PRKG1: variants seen among roughly 807,000 people sequenced by gnomAD.
PRKG1 encodes cGMP-dependent protein kinase 1.
In PRKG1, 35 loss-of-function variants were observed where a neutral mutation model predicts 88.1. That is an observed-to-expected ratio of 0.40 (90% CI 0.30 to 0.53). The LOEUF (loss-of-function observed/expected upper bound fraction) is 0.53. Ranked by LOEUF, PRKG1 falls within the 20% of genes least tolerant of loss-of-function variation. The pLI is 0.59. For missense variants in PRKG1, 540 were observed against 839.8 expected (o/e 0.64, Z 4.41); for synonymous variants, 303 against 292.5 (o/e 1.04, Z -0.37).
intron 3 of PRKG1, among the ~76,000 whole-genome samples, chr10:51,730,858 C>G (rs963814699): frequency 6.6e-6 from 1 of 152,150 alleles, no homozygotes; most frequent in Admixed American, 6.5e-5. Context: ...TGTATTTCAA[C>G]TTACAAAAAC....
intron 4 of PRKG1, among the ~76,000 whole-genome samples, chr10:51,873,175 A>T (rs963492451): frequency 6.6e-6 from 1 of 152,122 alleles, no homozygotes; most frequent in Non-Finnish European, 1.5e-5. Flanking sequence ...TATCATTCAA[A>T]CTTAACTTGA....
At chr10:51,717,269 T>C (rs902714965) in intron 3 of PRKG1, among the ~76,000 whole-genome samples, 4 of 152,210 alleles carry the variant, frequency 2.6e-5, no homozygotes, top group African/African-American at 9.6e-5. Context: ...GTTTTGTTCC[T>C]GTGTAGACAT....
intron 5 of PRKG1, among the ~76,000 whole-genome samples, chr10:52,035,407 C>T (rs1229558832): frequency 6.6e-6 from 1 of 151,972 alleles, no homozygotes; most frequent in East Asian, 1.9e-4. Context: ...TCGATTTCCA[C>T]GATGGAAAGG....
intron 10 of PRKG1, among the ~76,000 whole-genome samples, chr10:52,260,697 T>A (rs1323300839): frequency 6.9e-6 from 1 of 145,250 alleles, no homozygotes; most frequent in Non-Finnish European, 1.5e-5. Context: ...GGGTAGAGGA[T>A]GAAAAATATT....
chr10:51,176,354 T>A (rs1837191282), intron 2 of PRKG1, among the ~76,000 whole-genome samples: 1 of 152,082 alleles, frequency 6.6e-6, no homozygotes, highest in Non-Finnish European at 1.5e-5. Context: ...GAGGGTCAAA[T>A]TTCAACTCTA....
intron 3 of PRKG1, among the ~76,000 whole-genome samples, chr10:51,519,591 G>A (rs1400175538): frequency 1.3e-5 from 2 of 152,136 alleles, no homozygotes; most frequent in Admixed American, 6.5e-5. Flanking sequence ...TCTCCAAGTC[G>A]AGCAATATTT....
At chr10:51,328,318 T>C (rs1258434521) in intron 2 of PRKG1, among the ~76,000 whole-genome samples, 4 of 152,220 alleles carry the variant, frequency 2.6e-5, no homozygotes, top group Admixed American at 6.5e-5. Flanking sequence ...TCCTTCTTTT[T>C]AGAAGGTTGA....
chr10:52,272,532 T>A, intron 12 of PRKG1, 51 bp downstream of exon 12: 2 of 1,295,332 alleles, frequency 1.5e-6, no homozygotes, highest in Non-Finnish European at 2.2e-6. Context: ...GTTGCCCATG[T>A]TGGTCTATAA....
chr10:51,201,931 T>C (rs1394593934), intron 2 of PRKG1, among the ~76,000 whole-genome samples: 1 of 152,272 alleles, frequency 6.6e-6, no homozygotes, highest in Non-Finnish European at 1.5e-5. Flanking sequence ...AGTTTCTATT[T>C]GTAAGAATAT....
chr10:52,011,008 T>C (rs1296456182), intron 5 of PRKG1, among the ~76,000 whole-genome samples: 1 of 152,232 alleles, frequency 6.6e-6, no homozygotes, highest in Non-Finnish European at 1.5e-5. Context: ...CATGAAAATC[T>C]GTTCTGTCAG....
At chr10:51,810,885 G>GT (rs1420439304) in intron 4 of PRKG1, among the ~76,000 whole-genome samples, 3 of 152,018 alleles carry the variant, frequency 2.0e-5, no homozygotes, top group Admixed American at 6.6e-5. Flanking sequence ...TCATTTTGTG[G>GT]TTTCTGCCTC....
intron 2 of PRKG1, among the ~76,000 whole-genome samples, chr10:51,443,135 G>A (rs293248): frequency 0.62 from 92,066 of 148,718 alleles, 28,709 homozygotes; most frequent in Middle Eastern, 0.68. Flanking sequence ...AGCTTATTGT[G>A]ATAGTTTTAA....
intron 11 of PRKG1, among the ~76,000 whole-genome samples, chr10:52,272,177 C>A (rs1277482452): frequency 6.6e-6 from 1 of 151,964 alleles, no homozygotes; most frequent in Non-Finnish European, 1.5e-5. Flanking sequence ...ATGATTAATC[C>A]ATTTCAAGGG....
chr10:51,772,514 C>T (rs373615686), intron 3 of PRKG1, among the ~76,000 whole-genome samples: 14 of 151,768 alleles, frequency 9.2e-5, no homozygotes, highest in East Asian at 1.9e-4. Flanking sequence ...TTTATATAAA[C>T]GTGAATATAT....
At chr10:51,308,104 T>C (rs1841086282) in intron 2 of PRKG1, among the ~76,000 whole-genome samples, 1 of 152,228 alleles carries the variant, frequency 6.6e-6, no homozygotes. Context: ...TGTGCTAACT[T>C]ATCCCATGGA....
chr10:52,185,882 A>C (rs1471182105), intron 9 of PRKG1, among the ~76,000 whole-genome samples: 1 of 152,176 alleles, frequency 6.6e-6, no homozygotes, highest in African/African-American at 2.4e-5. Context: ...CAGGATGCAA[A>C]GAGCAGTGTC....
chr10:51,804,539 C>G, intron 3 of PRKG1, 46 bp from the exon 4 acceptor site: 2 of 1,326,422 alleles, frequency 1.5e-6, no homozygotes, highest in Non-Finnish European at 2.2e-6. Context: ...AGTTGAAATT[C>G]TCTGATTAAT....
chr10:52,189,233 T>C (rs1209102686), intron 9 of PRKG1, among the ~76,000 whole-genome samples: 4 of 152,208 alleles, frequency 2.6e-5, no homozygotes, highest in Admixed American at 2.6e-4. Context: ...TTATAAGATG[T>C]GTTGCTGATA....
At chr10:51,443,291 C>T (rs293249) in intron 2 of PRKG1, among the ~76,000 whole-genome samples, 92,178 of 150,556 alleles carry the variant, frequency 0.61, 28,695 homozygotes, top group Middle Eastern at 0.68. Flanking sequence ...TTGCTGCTTT[C>T]ACAATACAGT....
Sources: gnomAD v4.1 joint callset for allele counts (sites outside exome capture counted in the v4.1 genomes callset) on GRCh38, gnomAD v4.1.1 for gene constraint, MANE v1.5 for transcripts, NCBI Gene and HGNC (gene_info 2026-07-23, HGNC 2026-07-21) for gene names.